The following STK3 variants were observed in gnomAD, a reference collection of about 807,000 sequenced individuals.
STK3 encodes serine/threonine-protein kinase 3.
A neutral mutation model predicts 58.0 loss-of-function variants in STK3; 41 were observed. The observed-to-expected ratio is 0.71, with a 90% CI of 0.55 to 0.92. STK3 has a LOEUF of 0.92. Ranked by LOEUF, STK3 falls within the 40% of genes least tolerant of loss-of-function variation. The pLI, the probability that STK3 is intolerant of heterozygous loss-of-function variation, is 0.00. For missense variants in STK3, 479 were observed against 602.7 expected (o/e 0.79, Z 2.15); for synonymous variants, 170 against 191.0 (o/e 0.89, Z 0.91).
chr8:98,762,501 G>A (rs527303452), intron 3 of STK3, among the ~76,000 whole-genome samples: 10 of 152,230 alleles, frequency 6.6e-5, no homozygotes, highest in Non-Finnish European at 1.0e-4. Flanking sequence ...TGATCCACCC[G>A]CCTCAGCCTC....
chr8:98,464,136 A>G (rs1820236289), intron 10 of STK3, among the ~76,000 whole-genome samples: 1 of 152,186 alleles, frequency 6.6e-6, no homozygotes, highest in African/African-American at 2.4e-5. Context: ...CTATTTTCCC[A>G]TCTGCTAGCA....
chr8:98,484,535 A>G (rs1191883019), intron 10 of STK3, among the ~76,000 whole-genome samples: 4 of 152,208 alleles, frequency 2.6e-5, no homozygotes, highest in Non-Finnish European at 5.9e-5. Context: ...ATATAACAGT[A>G]CAAGTTTATG....
intron 3 of STK3, among the ~76,000 whole-genome samples, chr8:98,761,488 A>G (rs368558762): frequency 6.6e-5 from 10 of 152,318 alleles, no homozygotes; most frequent in African/African-American, 2.4e-4. Context: ...ATATATAGCT[A>G]AAGGTATACT....
At position 98,428,497 on chromosome 8, in the gene STK3, T is replaced by G; in HGVS notation, n.483+5630A>C. ...CCCCTCGGCAACTTCCGCAGGCAGCTGTGGCTGGCGCTGGACAACCCCGGC... is the reference window on the plus strand; with the variant it reads ...CCCCTCGGCAACTTCCGCAGGCAGCGGTGGCTGGCGCTGGACAACCCCGGC... On this transcript the variant is annotated intron_variant and non_coding_transcript_variant, in intron 3 of 3. Transcript: ENST00000517832. The surrounding 1 kb of genome is among the most constrained non-coding windows in gnomAD (Gnocchi z 6.7). The G allele has an allele frequency of 6.2e-7, 1 of 1,614,130 alleles. No individual in the cohort carries two copies. The highest frequency in any genetic ancestry group is 1.7e-5 in the Admixed American group (1 of 60,034).
At chr8:98,883,545 T>TA (rs1837873717), downstream of STK3, 15 of 600,044 alleles carry the variant, frequency 2.5e-5, no homozygotes, top group South Asian at 3.2e-4. Context: ...TTAACATAAA[T>TA]AAAAAGAAGA....
At chr8:98,400,961 G>A (rs1442188143), downstream of STK3, among the ~76,000 whole-genome samples, 5 of 151,934 alleles carry the variant, frequency 3.3e-5, no homozygotes, top group Non-Finnish European at 7.4e-5. Context: ...GAGAGATGGC[G>A]GCTGTGTCAT....
rs777080901 is a variant in STK3 at position 98,496,955 on chromosome 8, G to GT, written c.1317+29786_1317+29787insA. On this transcript the variant is annotated intron_variant, in intron 10 of 10. Transcript: ENST00000419617. ...AAATGATGAAAATGGCAAATTTTAT[G>GT]GTTTTTTTTAACCAAAATAAAAAAA... Among the ~76,000 whole-genome samples the GT allele has an allele frequency of 8.1e-3, 1,232 of 151,626 alleles. 18 individuals carry two copies. Among genetic ancestry groups the GT allele is most frequent in the African/African-American group, 0.028 (1,149 of 41,380 alleles).
At chr8:98,568,457 A>G (rs956466204) in intron 8 of STK3, among the ~76,000 whole-genome samples, 4 of 152,244 alleles carry the variant, frequency 2.6e-5, no homozygotes, top group African/African-American at 7.2e-5. Context: ...GTGAATTCAG[A>G]GTAGTGAACC....
At chr8:98,687,348 C>A (rs1366350614) in intron 6 of STK3, among the ~76,000 whole-genome samples, 1 of 152,232 alleles carries the variant, frequency 6.6e-6, no homozygotes. Context: ...GAGGACTACA[C>A]AACCTAGATC....
intron 3 of STK3, among the ~76,000 whole-genome samples, chr8:98,847,319 T>C (rs1048170210): frequency 2.0e-5 from 3 of 152,328 alleles, no homozygotes; most frequent in South Asian, 2.1e-4. Context: ...CTATAGCATA[T>C]ACCTGTGCTG....
At chr8:98,585,729 C>A (rs2131771732) in intron 7 of STK3, among the ~76,000 whole-genome samples, 1 of 152,156 alleles carries the variant, frequency 6.6e-6, no homozygotes, top group African/African-American at 2.4e-5. Flanking sequence ...TACCCATGAG[C>A]ATGGAATGTT....
chr8:98,878,060 CT>C (rs59671452), intron 3 of STK3, among the ~76,000 whole-genome samples: 13,010 of 137,974 alleles, frequency 0.094, 498 homozygotes, highest in South Asian at 0.13. Context: ...AAAAGAAAAT[CT>C]TTTTTTTTTT....
downstream of STK3, chr8:98,883,715 C>T (rs1318012908): frequency 8.5e-6 from 6 of 702,814 alleles, no homozygotes; most frequent in Admixed American, 1.2e-4. Flanking sequence ...CTGCTCCGTT[C>T]CTAAGGCAGA....
chr8:98,772,704 T>A (rs1038120262), intron 2 of STK3, among the ~76,000 whole-genome samples: 1 of 151,816 alleles, frequency 6.6e-6, no homozygotes, highest in Non-Finnish European at 1.5e-5. Context: ...CTCAAAAAAA[T>A]TTTAAAATAA....
chr8:98,371,122 G>C (rs184086440), downstream of STK3, among the ~76,000 whole-genome samples: 53 of 152,306 alleles, frequency 3.5e-4, 1 homozygote, highest in African/African-American at 1.3e-3. Context: ...TTACATGGTT[G>C]TTTGTGCCTG....
At position 98,626,991 on chromosome 8, in the gene STK3, T is replaced by C. The variant is rs138371867; in HGVS notation, c.685-30822A>G. On this transcript the variant is annotated intron_variant, in intron 6 of 10. Transcript: ENST00000419617. ...GAGTACAGAATGTAGAGAGAAAAGA[T>C]TGAGAAGAGAGAAAAAAATTCTGTC... Among the ~76,000 whole-genome samples the C allele has an allele frequency of 3.9e-5, 6 of 152,260 alleles. No individual in the cohort carries two copies. The East Asian group carries it at 9.6e-4, about 24-fold the overall frequency.
chr8:98,765,556 C>CA (rs1330703232), intron 3 of STK3, among the ~76,000 whole-genome samples: 1 of 152,150 alleles, frequency 6.6e-6, no homozygotes, highest in Non-Finnish European at 1.5e-5. Context: ...TCACACGAGA[C>CA]AATTTTTACA....
chr8:98,837,247 GTATA>G (rs1262932165), intron 3 of STK3, among the ~76,000 whole-genome samples: 1 of 150,792 alleles, frequency 6.6e-6, no homozygotes, highest in African/African-American at 2.4e-5. Flanking sequence ...AAGATATAGA[GTATA>G]TATTCATGAA....
chr8:98,401,572 G>A (rs544049240), intron 3 of STK3: 1 of 152,314 alleles, frequency 6.6e-6, no homozygotes, highest in South Asian at 2.1e-4. Flanking sequence ...TGCTGCCTCT[G>A]TCTGACCCCA....
Sources: gnomAD v4.1 joint callset for allele counts (sites outside exome capture counted in the v4.1 genomes callset) on GRCh38, gnomAD v4.1.1 for gene constraint, Gnocchi (gnomAD v3.1) non-coding constraint, MANE v1.5 for transcripts, NCBI Gene and HGNC (gene_info 2026-07-23, HGNC 2026-07-21) for gene names.